The following TNS1 variants were observed in gnomAD, a reference collection of about 807,000 sequenced individuals.
The protein encoded by TNS1 is tensin 1, also known as tensin-1.
Under a neutral mutation model 168.6 loss-of-function variants are expected in TNS1, and 62 were observed. The ratio of observed to expected loss-of-function variants is 0.37; its 90% CI spans 0.30 to 0.45. The LOEUF (loss-of-function observed/expected upper bound fraction) is 0.45, where lower values mean the gene tolerates loss of function less well. TNS1 is among the 20% of genes least tolerant of loss of function. TNS1 has a pLI of 1.00. For missense variants in TNS1, 2,240 were observed against 2,339.4 expected (o/e 0.96, Z 0.88); for synonymous variants, 934 against 933.2 (o/e 1.00, Z -0.02).
Position 217,831,453 on chromosome 2 carries a change from ACCT to A in TNS1, c.3372_3373+1del. ...TCCCCATCTTCCCTCTTCCCAACTC[ACCT>A]CCTGTGGGGTGCAACAGGATGTCCG... On this transcript the variant is annotated splice_donor_variant and coding_sequence_variant, in exon 22 of 33. Coordinates refer to ENST00000682258, the MANE Select transcript of TNS1 (RefSeq NM_001387777.1). LOFTEE classifies it high-confidence loss of function. The A allele has an allele frequency of 1.3e-6, 2 of 1,574,524 alleles. No homozygotes were observed. Among genetic ancestry groups the A allele is most frequent in the Non-Finnish European group, 8.6e-7 (1 of 1,160,606 alleles).
chr2:218,025,181 G>A (rs1057297078), intron 1 of TNS1, among the ~76,000 whole-genome samples: 1 of 151,400 alleles, frequency 6.6e-6, no homozygotes, highest in Non-Finnish European at 1.5e-5. Context: ...GCAGCTACAA[G>A]AATGCACCTC....
chr2:218,008,211 T>TA (rs1264856782), intron 1 of TNS1, among the ~76,000 whole-genome samples: 3 of 152,200 alleles, frequency 2.0e-5, no homozygotes, highest in African/African-American at 7.2e-5. Context: ...CCCAGAGCTC[T>TA]ACTCCACAAT....
chr2:217,974,004 T>C (rs1312533021), intron 3 of TNS1, among the ~76,000 whole-genome samples: 2 of 152,222 alleles, frequency 1.3e-5, no homozygotes, highest in African/African-American at 2.4e-5. Context: ...CTCCCAGACA[T>C]AATGCTGAGT....
chr2:217,885,618 C>A, intron 15 of TNS1, 126 bp downstream of exon 15: 1 of 918,330 alleles, frequency 1.1e-6, no homozygotes, highest in African/African-American at 1.6e-5. Context: ...GCCCTGAGAG[C>A]CTATGGTTCC....
In TNS1 at chr2:217,885,287, A is replaced by G. The variant is rs980021800; in HGVS notation, c.1117-123T>C. On this transcript the variant is annotated intron_variant, in intron 15 of 32. Coordinates refer to ENST00000682258, the MANE Select transcript of TNS1 (RefSeq NM_001387777.1). ...GCTCACCCCAAACCCGGTGAGGGAGAGCTCATCAACACCAAACAGGATCTC... is the reference window on the plus strand; with the variant it reads ...GCTCACCCCAAACCCGGTGAGGGAGGGCTCATCAACACCAAACAGGATCTC... 71 of 1,369,086 alleles carry G rather than the reference A, an allele frequency of 5.2e-5. 2 individuals are homozygous for G. The South Asian group carries it at 9.1e-4, about 18-fold the overall frequency. 84.8% of individuals were successfully genotyped at this position (1,369,086 alleles called of 1,614,324 possible). A position where few individuals can be genotyped will look rare whatever the true frequency, so the allele number is the denominator to read the frequency against.
At chr2:217,931,285 A>C (rs1956307468) in intron 3 of TNS1, among the ~76,000 whole-genome samples, 1 of 152,148 alleles carries the variant, frequency 6.6e-6, no homozygotes, top group South Asian at 2.1e-4. Context: ...CTTTCCACCA[A>C]GGGTTTCTGT....
intron 19 of TNS1, among the ~76,000 whole-genome samples, chr2:217,847,068 A>G (rs932611218): frequency 5.9e-5 from 9 of 152,214 alleles, no homozygotes; most frequent in African/African-American, 2.2e-4. Flanking sequence ...GACAGACAGC[A>G]CGACAGGCAA....
At chr2:217,960,417 G>A (rs925507679) in intron 3 of TNS1, among the ~76,000 whole-genome samples, 2 of 152,142 alleles carry the variant, frequency 1.3e-5, no homozygotes, top group African/African-American at 4.8e-5. Flanking sequence ...ACCAGTGGGG[G>A]ACTCAGTCTC....
intron 3 of TNS1, among the ~76,000 whole-genome samples, chr2:217,974,473 C>G (rs967197534): frequency 1.1e-4 from 16 of 152,142 alleles, no homozygotes; most frequent in African/African-American, 3.1e-4. Flanking sequence ...ATAGGCACTC[C>G]TACTATGGAC....
intron 3 of TNS1, among the ~76,000 whole-genome samples, chr2:217,962,460 G>T (rs902756496): frequency 6.6e-6 from 1 of 151,912 alleles, no homozygotes; most frequent in Admixed American, 6.6e-5. Context: ...AAAACAAAAA[G>T]TTAAGAACCA....
intron 6 of TNS1, among the ~76,000 whole-genome samples, chr2:217,901,525 G>A (rs1468888977): frequency 6.6e-6 from 1 of 152,162 alleles, no homozygotes; most frequent in Admixed American, 6.5e-5. Flanking sequence ...TCACCTCACA[G>A]GATGCAGAAT....
chr2:218,028,480 A>G (rs1958867482), intron 1 of TNS1, among the ~76,000 whole-genome samples: 1 of 152,120 alleles, frequency 6.6e-6, no homozygotes, highest in Admixed American at 6.5e-5. Context: ...GGCAACCTTT[A>G]TTGAGTATCC....
intron 3 of TNS1, among the ~76,000 whole-genome samples, chr2:217,955,319 C>A (rs969400163): frequency 3.9e-5 from 6 of 152,234 alleles, no homozygotes; most frequent in African/African-American, 9.6e-5. Flanking sequence ...TTCCCCCTCT[C>A]CAGGGGCCCC....
intron 1 of TNS1, among the ~76,000 whole-genome samples, chr2:218,018,025 G>C (rs1958777049): frequency 6.6e-6 from 1 of 152,222 alleles, no homozygotes; most frequent in South Asian, 2.1e-4. Flanking sequence ...CCAGTTAGCA[G>C]GCTAGAGGAG....
At chr2:217,894,463 G>A (rs1952060925) in intron 9 of TNS1, among the ~76,000 whole-genome samples, 1 of 152,120 alleles carries the variant, frequency 6.6e-6, no homozygotes, top group South Asian at 2.1e-4. Context: ...TTGAAACCAG[G>A]CTGGCCAACA....
chr2:217,982,093 G>T (rs566173531), intron 2 of TNS1, among the ~76,000 whole-genome samples: 1 of 152,294 alleles, frequency 6.6e-6, no homozygotes, highest in African/African-American at 2.4e-5. Context: ...TGGATCACTT[G>T]CTCTGGGGGA....
chr2:217,809,372 GATGC>G (rs1444921674), intron 30 of TNS1, among the ~76,000 whole-genome samples: 136 of 86,006 alleles, frequency 1.6e-3, no homozygotes, highest in South Asian at 2.2e-3. Context: ...TGGATGGATG[GATGC>G]ATGGATGGAT....
chr2:217,827,529 G>T (rs548732355), intron 22 of TNS1, among the ~76,000 whole-genome samples: 1 of 152,128 alleles, frequency 6.6e-6, no homozygotes, highest in Non-Finnish European at 1.5e-5. Flanking sequence ...CCCAGGCCAC[G>T]GGCAGCAATT....
In TNS1 at chr2:218,033,362, T is replaced by C. The variant is rs1169387825; in HGVS notation, c.156+458A>G. On this transcript the variant is annotated intron_variant, in intron 1 of 1. Transcript: ENST00000649572. This position sits in a 1 kb window ranked among gnomAD's most constrained non-coding sequence, Gnocchi z 4.3. ...AGAAGGCAGGGGTGAGAGGCCAGCC[T>C]GTCCCCACCATCCTGGGGAAGTCCT... is the stretch of plus-strand genomic sequence containing the variant. 2.0e-5 allele frequency among the ~76,000 whole-genome samples: 3 copies of C among 152,114 alleles called. No homozygotes were observed. The East Asian group carries it at 5.8e-4, about 29-fold the overall frequency.
Sources: allele counts gnomAD v4.1 joint callset (sites outside exome capture counted in the v4.1 genomes callset), GRCh38; gene constraint gnomAD v4.1.1; non-coding constraint Gnocchi (gnomAD v3.1); transcripts MANE v1.5; gene names NCBI Gene and HGNC (gene_info 2026-07-23, HGNC 2026-07-21).